The following CHN2 variants were observed in gnomAD, a reference collection of about 807,000 sequenced individuals.
CHN2 encodes the protein chimerin 2.
Under a neutral mutation model 56.3 loss-of-function variants are expected in CHN2, and 35 were observed. The observed-to-expected ratio is 0.62, with a 90% CI of 0.47 to 0.82. The LOEUF is 0.82. CHN2 is among the 40% of genes least tolerant of loss of function. The pLI is 0.00. For synonymous variants in CHN2, 210 were observed against 212.8 expected, an observed-to-expected ratio of 0.99 and a Z score of 0.12; for missense variants, 491 against 580.5, an observed-to-expected ratio of 0.85 and a Z score of 1.58.
chr7:29,486,178 G>A (rs1201750644), intron 7 of CHN2, among the ~76,000 whole-genome samples: 1 of 152,126 alleles, frequency 6.6e-6, no homozygotes, highest in African/African-American at 2.4e-5. Context: ...TCGTGGAGTG[G>A]GGATTTTTGT....
intron 1 of CHN2, among the ~76,000 whole-genome samples, chr7:29,267,503 A>G (rs1790251196): frequency 6.6e-6 from 1 of 152,234 alleles, no homozygotes; most frequent in Non-Finnish European, 1.5e-5. Context: ...TTGGCCTCCC[A>G]AAGTGCTGGG....
chr7:29,257,853 T>G (rs1349678378), intron 1 of CHN2, among the ~76,000 whole-genome samples: 2 of 152,104 alleles, frequency 1.3e-5, no homozygotes, highest in Non-Finnish European at 2.9e-5. Flanking sequence ...AGTGGTGTGA[T>G]CTCAGCTCAC....
chr7:29,442,795 A>T (rs1783739597), intron 6 of CHN2, among the ~76,000 whole-genome samples: 1 of 152,190 alleles, frequency 6.6e-6, no homozygotes, highest in Non-Finnish European at 1.5e-5. Context: ...CTGATACTGC[A>T]TACATACGAG....
At chr7:29,173,292 T>C (rs1267878209) in intron 2 of CHN2, among the ~76,000 whole-genome samples, 1 of 152,150 alleles carries the variant, frequency 6.6e-6, no homozygotes, top group Non-Finnish European at 1.5e-5. Context: ...CCTGAATGCA[T>C]CTGCCAGGTG....
intron 1 of CHN2, among the ~76,000 whole-genome samples, chr7:29,296,473 T>C (rs1165943722): frequency 6.6e-6 from 1 of 152,230 alleles, no homozygotes; most frequent in Non-Finnish European, 1.5e-5. Context: ...TTCTCAATGA[T>C]ACTGGGTAAA....
At chr7:29,403,339 C>T (rs1802377769) in intron 6 of CHN2, among the ~76,000 whole-genome samples, 1 of 150,940 alleles carries the variant, frequency 6.6e-6, no homozygotes, top group Non-Finnish European at 1.5e-5. Context: ...GGGAGGGTAC[C>T]TGTTTGCTTT....
chr7:29,311,817 CCATGTGT>C (rs1794624820), intron 1 of CHN2, among the ~76,000 whole-genome samples: 1 of 152,158 alleles, frequency 6.6e-6, no homozygotes, highest in Non-Finnish European at 1.5e-5. Flanking sequence ...TCAGCATCTG[CCATGTGT>C]CAGGCATTGT....
intron 1 of CHN2, among the ~76,000 whole-genome samples, chr7:29,339,663 G>A (rs1796892830): frequency 6.6e-6 from 1 of 152,044 alleles, no homozygotes; most frequent in Non-Finnish European, 1.5e-5. Context: ...GACCAACCTG[G>A]CCAACATGGT....
chr7:29,376,760 T>TTCCCAGATGTACTTCC (rs1472817394), intron 3 of CHN2, among the ~76,000 whole-genome samples: 1 of 152,212 alleles, frequency 6.6e-6, no homozygotes, highest in Non-Finnish European at 1.5e-5. Flanking sequence ...TTCCTTATTT[T>TTCCCAGATGTACTTCC]TCCCAGATGT....
chr7:29,263,775 G>A (rs1010161403), intron 1 of CHN2, among the ~76,000 whole-genome samples: 13 of 151,604 alleles, frequency 8.6e-5, no homozygotes, highest in Non-Finnish European at 1.9e-4. Context: ...GAGATGTGAA[G>A]AGTGCCTCTG....
intron 6 of CHN2, among the ~76,000 whole-genome samples, chr7:29,463,908 T>C (rs929825936): frequency 1.3e-5 from 2 of 152,216 alleles, no homozygotes; most frequent in African/African-American, 2.4e-5. Context: ...TTGTACCTTA[T>C]GCCATCGGGT....
At chr7:29,288,519 T>C (rs1792333825) in intron 1 of CHN2, among the ~76,000 whole-genome samples, 1 of 152,180 alleles carries the variant, frequency 6.6e-6, no homozygotes, top group Non-Finnish European at 1.5e-5. Context: ...TGTTTACTCT[T>C]TTTTTCCCCC....
chr7:29,233,824 G>GTTTTTTTTTTT (rs1584812326), intron 1 of CHN2, among the ~76,000 whole-genome samples: 2 of 81,752 alleles, frequency 2.4e-5, no homozygotes, highest in Non-Finnish European at 4.8e-5. Context: ...CCAACACCTT[G>GTTTTTTTTTTT]ATTTTTTTTT....
chr7:29,229,756 T>C (rs1211340766), intron 1 of CHN2, among the ~76,000 whole-genome samples: 1 of 152,128 alleles, frequency 6.6e-6, no homozygotes, highest in Non-Finnish European at 1.5e-5. Context: ...GGCGGGAAGA[T>C]TGTTTGAGCC....
At chr7:29,378,793 A>G (rs1800268880) in intron 3 of CHN2, among the ~76,000 whole-genome samples, 1 of 152,186 alleles carries the variant, frequency 6.6e-6, no homozygotes, top group African/African-American at 2.4e-5. Context: ...GGGAAACCCC[A>G]TCTTTATTGA....
intron 1 of CHN2, among the ~76,000 whole-genome samples, chr7:29,287,513 T>G (rs1212343638): frequency 1.3e-5 from 2 of 152,186 alleles, no homozygotes; most frequent in East Asian, 3.9e-4. Flanking sequence ...TCATGGAGTC[T>G]TAGTGAGGGT....
intron 2 of CHN2, among the ~76,000 whole-genome samples, chr7:29,161,114 T>C (rs976930075): frequency 6.6e-6 from 1 of 152,188 alleles, no homozygotes; most frequent in African/African-American, 2.4e-5. Flanking sequence ...CCCTTCGTTC[T>C]ACCTTATCTA....
In CHN2 at chr7:29,315,716, G is replaced by T. The variant is rs375118680; in HGVS notation, c.50-38909G>T. ...CAACTATTTCTCAACCTCTCACTTT[G>T]TGCTGGGTACCGTTCTAGGTGATTC... On this transcript the variant is annotated intron_variant, in intron 1 of 12. Coordinates refer to ENST00000222792, the MANE Select transcript of CHN2 (RefSeq NM_004067.4). Among the ~76,000 whole-genome samples, 4 of 152,060 alleles carry T rather than the reference G, an allele frequency of 2.6e-5. No homozygotes were observed. The East Asian group carries it at 5.8e-4, about 22-fold the overall frequency.
intron 1 of CHN2, among the ~76,000 whole-genome samples, chr7:29,220,491 T>C (rs956659339): frequency 6.6e-6 from 1 of 152,022 alleles, no homozygotes; most frequent in African/African-American, 2.4e-5. Flanking sequence ...CTATATGTCA[T>C]AGAGATCAAA....
Sources: gnomAD v4.1 joint callset for allele counts (sites outside exome capture counted in the v4.1 genomes callset) on GRCh38, gnomAD v4.1.1 for gene constraint, MANE v1.5 for transcripts, NCBI Gene and HGNC (gene_info 2026-07-23, HGNC 2026-07-21) for gene names.